COPS3: variants seen among roughly 807,000 people sequenced by gnomAD.
COPS3 encodes the protein COP9 signalosome subunit 3.
In COPS3, 10 loss-of-function variants were observed where a neutral mutation model predicts 58.2. That is an observed-to-expected ratio of 0.17 (90% CI 0.11 to 0.29). The LOEUF (loss-of-function observed/expected upper bound fraction) is 0.29, where lower values mean the gene tolerates loss of function less well. COPS3 is among the 10% of genes least tolerant of loss of function. COPS3 has a pLI of 1.00. For synonymous variants in COPS3, 187 were observed against 181.7 expected, an observed-to-expected ratio of 1.03 and a Z score of -0.24; for missense variants, 333 against 510.1, an observed-to-expected ratio of 0.65 and a Z score of 3.34.
intron 1 of COPS3, among the ~76,000 whole-genome samples, 184 bp downstream of exon 1, chr17:17,280,948 A>AG: frequency 1.3e-5 from 2 of 152,078 alleles, no homozygotes; most frequent in South Asian, 4.1e-4. Flanking sequence ...GCGGAGCGCG[A>AG]GGGGGCTGCC....
At chr17:17,252,067 T>C (rs2047858794) in intron 9 of COPS3, among the ~76,000 whole-genome samples, 1 of 150,384 alleles carries the variant, frequency 6.6e-6, no homozygotes, top group Non-Finnish European at 1.5e-5. Flanking sequence ...AGACTCCGTC[T>C]CAAAAAAAAA....
intron 2 of COPS3, among the ~76,000 whole-genome samples, chr17:17,274,571 C>CA (rs1266999789): frequency 6.6e-6 from 1 of 151,660 alleles, no homozygotes; most frequent in Non-Finnish European, 1.5e-5. Context: ...ACTACAGGTG[C>CA]ATGCCACCAC....
intron 1 of COPS3, among the ~76,000 whole-genome samples, chr17:17,279,991 G>A (rs946832719): frequency 6.6e-6 from 1 of 152,192 alleles, no homozygotes; most frequent in Admixed American, 6.5e-5. Context: ...CTGGCCGGGC[G>A]CAGTGGCTCA....
Position 17,248,979 on chromosome 17 carries a change from C to G in COPS3, c.1084G>C (p.Asp362His). 6.2e-7 allele frequency: 1 copy of G among 1,611,180 alleles called. No individual in the cohort carries two copies. Among genetic ancestry groups the G allele is most frequent in the East Asian group, 2.2e-5 (1 of 44,804 alleles). The change falls in exon 10 of 12, where the codon GAT becomes CAT. Residue 362 changes from aspartate (D) to histidine (H), a missense_variant. Asp to His is a moderately conservative substitution (Grantham distance 81). Transcript: ENST00000268717. ...NQKDGMVSFH[D>H]NPEKYNNPAM... ...GGGTTATTATATTTTTCAGGGTTAT[C>G]ATGGAAACTGACCATACCGTCCTTC...
intron 1 of COPS3, among the ~76,000 whole-genome samples, chr17:17,277,332 C>G (rs1293633672): frequency 6.6e-6 from 1 of 152,208 alleles, no homozygotes; most frequent in Non-Finnish European, 1.5e-5. Context: ...TAGAATACAT[C>G]ACCTGCTTAG....
intron 4 of COPS3, among the ~76,000 whole-genome samples, chr17:17,270,113 C>A (rs1468818332): frequency 2.6e-5 from 4 of 151,618 alleles, no homozygotes; most frequent in African/African-American, 4.8e-5. Context: ...CCAGAGATGG[C>A]GCCACTGCAC....
chr17:17,274,591 A>T (rs1249927864), intron 2 of COPS3, among the ~76,000 whole-genome samples: 1 of 151,372 alleles, frequency 6.6e-6, no homozygotes, highest in East Asian at 1.9e-4. Flanking sequence ...CACCCGGCTA[A>T]TTTTTGTATT....
Position 17,264,884 on chromosome 17 carries a change from T to C in COPS3, c.539A>G (p.His180Arg). The change falls in exon 6 of 12, where the codon CAC becomes CGC. Residue 180 changes from histidine (H) to arginine (R), a missense_variant. Transcript: ENST00000268717. ...TCCATAATAATAGTAACATAAAAAGTGTTTTGCATCATAGGCTCCATTCTC... is the reference window on the plus strand; with the variant it reads ...TCCATAATAATAGTAACATAAAAAGCGTTTTGCATCATAGGCTCCATTCTC... ...CKENGAYDAK[H>R]FLCYYYYGGM... The C allele has an allele frequency of 6.2e-7, 1 of 1,613,682 alleles. No homozygotes were observed. Among genetic ancestry groups the C allele is most frequent in the Non-Finnish European group, 8.5e-7 (1 of 1,179,634 alleles).
Position 17,254,909 on chromosome 17 carries a change from G to A in COPS3, c.973C>T (p.Arg325Cys), listed in dbSNP as rs780995994. ...TCCTGAGGTCCAGACAACTGCACAC[G>A]ACTTGCCATATCTTGTAATGATAGA... ...LTLSLQDMASRVQLSGPQEAE... is the reference protein window; with the variant it reads ...LTLSLQDMASCVQLSGPQEAE... The change falls in exon 9 of 12, where the codon CGT becomes TGT. Residue 325 changes from arginine to cysteine, a missense_variant. Arg to Cys is a radical substitution (Grantham distance 180). Transcript: ENST00000268717. 3 of 1,612,360 alleles carry A rather than the reference G, an allele frequency of 1.9e-6. No homozygotes were observed. Among genetic ancestry groups the A allele is most frequent in the East Asian group, 2.2e-5 (1 of 44,812 alleles).
chr17:17,262,458 G>A (rs903245033), intron 6 of COPS3, among the ~76,000 whole-genome samples: 7 of 152,122 alleles, frequency 4.6e-5, no homozygotes, highest in Non-Finnish European at 8.8e-5. Flanking sequence ...GGCCAGGCGC[G>A]GTGGCTTATG....
In COPS3 at chr17:17,260,469, A is replaced by T. The variant is rs768703155; in HGVS notation, c.768T>A (p.Leu256=). 11 of 1,613,926 alleles carry T rather than the reference A, an allele frequency of 6.8e-6. No individual in the cohort carries two copies. Among genetic ancestry groups the T allele is most frequent in the Non-Finnish European group, 9.3e-6 (11 of 1,179,882 alleles). ...SQIVGRFIKP[L]SNAYHELAQV... Reference sequence around the variant, plus strand: ...GTGCTAACTCGTGGTATGCATTGCTAAGAGGCTAAAGATGCAAAGGAGGGA... The same window carrying T: ...GTGCTAACTCGTGGTATGCATTGCTTAGAGGCTAAAGATGCAAAGGAGGGA... The change falls in exon 8 of 12, where the codon CTT becomes CTA. Residue 256 remains leucine (L), a synonymous_variant. Transcript: ENST00000268717.
At chr17:17,251,264 A>C (rs1231300578) in intron 9 of COPS3, among the ~76,000 whole-genome samples, 1 of 148,394 alleles carries the variant, frequency 6.7e-6, no homozygotes, top group Admixed American at 6.7e-5. Flanking sequence ...AAAGTGCTGG[A>C]ATTACAGGTG....
intron 2 of COPS3, among the ~76,000 whole-genome samples, chr17:17,274,291 T>A: frequency 6.6e-6 from 1 of 152,176 alleles, no homozygotes; most frequent in East Asian, 1.9e-4. Context: ...GAACCCCAGA[T>A]GAAATTGTTT....
At chr17:17,255,148 A>C (rs1356570001) in intron 8 of COPS3, 1 of 422,692 alleles carries the variant, frequency 2.4e-6, no homozygotes, top group Admixed American at 4.0e-5. Flanking sequence ...AAAAATACAG[A>C]AAATTAGCTG....
In COPS3 at chr17:17,247,475, A is replaced by G. The variant is rs2047748814; in HGVS notation, c.1218+5T>C. On this transcript the variant is annotated splice_donor_5th_base_variant and intron_variant, in intron 11 of 11. Transcript: ENST00000268717. ...TACTTCTTGTAATAAGGGAACCCTC[A>G]TCACCTTTTGTACAAACTGAGGGTT... 1 of 1,614,118 alleles carries G rather than the reference A, an allele frequency of 6.2e-7. No homozygotes were observed. Among genetic ancestry groups the G allele is most frequent in the Non-Finnish European group, 8.5e-7 (1 of 1,179,938 alleles).
At chr17:17,278,151 G>A (rs1049217271) in intron 1 of COPS3, among the ~76,000 whole-genome samples, 13 of 151,722 alleles carry the variant, frequency 8.6e-5, no homozygotes, top group South Asian at 4.2e-4. Context: ...ACTCCGTTTC[G>A]GGGGAAAAAA....
intron 9 of COPS3, among the ~76,000 whole-genome samples, chr17:17,251,363 C>G (rs2047838561): frequency 6.6e-6 from 1 of 151,952 alleles, no homozygotes; most frequent in Non-Finnish European, 1.5e-5. Context: ...GGTGTGATCT[C>G]CAGTCACTGC....
In COPS3 at chr17:17,254,814, GAAAAAA is replaced by G. The variant is rs71152853; in HGVS notation, c.1023+39_1023+44del. ...ACAGAGCGAGACTCCATCTCAAAAA[GAAAAAA>G]AAAAAAAAAAAAGAAAAAGAAAAAG... On this transcript the variant is annotated intron_variant, in intron 9 of 11. Coordinates refer to ENST00000268717, the MANE Select transcript of COPS3 (RefSeq NM_003653.4). The G allele has an allele frequency of 1.3e-3, 1,088 of 822,804 alleles. 1 individual carries two copies. The highest frequency in any genetic ancestry group is 4.5e-3 in the Admixed American group (126 of 28,216). 51.0% of individuals were successfully genotyped at this position (822,804 alleles called of 1,614,324 possible). A position where few individuals can be genotyped will look rare whatever the true frequency, so the allele number is the denominator to read the frequency against.
chr17:17,272,380 G>A (rs551055439), intron 2 of COPS3, among the ~76,000 whole-genome samples: 48 of 152,058 alleles, frequency 3.2e-4, no homozygotes, highest in African/African-American at 1.1e-3. Flanking sequence ...CTGAGATCGT[G>A]CCACTGCACT....
Sources: allele counts gnomAD v4.1 joint callset (sites outside exome capture counted in the v4.1 genomes callset), GRCh38; gene constraint gnomAD v4.1.1; transcripts MANE v1.5; gene names NCBI Gene and HGNC (gene_info 2026-07-23, HGNC 2026-07-21).